Variants in UNC13C observed in about 807,000 individuals in gnomAD.
UNC13C encodes the protein unc-13 homolog C.
Under a neutral mutation model 245.4 loss-of-function variants are expected in UNC13C, and 174 were observed. That is an observed-to-expected ratio of 0.71 (90% CI 0.63 to 0.80). The LOEUF (loss-of-function observed/expected upper bound fraction) is 0.80. Ranked by LOEUF, UNC13C falls within the 30% of genes least tolerant of loss-of-function variation. The pLI is 0.00. For missense variants in UNC13C, 2,829 were observed against 2,602.9 expected, an observed-to-expected ratio of 1.09 and a Z score of -1.89; for synonymous variants, 992 against 895.1, an observed-to-expected ratio of 1.11 and a Z score of -1.93.
chr15:53,987,855 A>G (rs1894214206), intron 1 of UNC13C, among the ~76,000 whole-genome samples: 1 of 152,060 alleles, frequency 6.6e-6, no homozygotes, highest in Non-Finnish European at 1.5e-5. Context: ...TCCTGTCTCA[A>G]GTTGCTGCTT....
At position 54,264,395 on chromosome 15, in the gene UNC13C, G is replaced by C; in HGVS notation, c.3676G>C (p.Val1226Leu). The change falls in exon 9 of 33, where the codon GTG becomes CTG. Residue 1226 changes from valine to leucine, a missense_variant and splice_region_variant. Transcript: ENST00000260323. ...SKWSAKITIT[V>L]VSAQGLQAKD... ...GTGGTCTGCAAAAATAACCATTACA[G>C]GTAAAAATAAGTCTTCTTAAAAATT... 1 of 1,573,464 alleles carries C rather than the reference G, an allele frequency of 6.4e-7. No homozygotes were observed. The highest frequency in any genetic ancestry group is 8.6e-7 in the Non-Finnish European group (1 of 1,157,844).
intron 19 of UNC13C, among the ~76,000 whole-genome samples, chr15:54,487,256 C>T (rs191119715): frequency 7.2e-5 from 11 of 152,290 alleles, no homozygotes; most frequent in Admixed American, 2.0e-4. Context: ...GAACTACCAA[C>T]TGCTACTCCT....
intron 19 of UNC13C, among the ~76,000 whole-genome samples, chr15:54,456,509 A>G (rs1329052928): frequency 1.3e-5 from 2 of 151,952 alleles, no homozygotes; most frequent in African/African-American, 4.8e-5. Flanking sequence ...ATTTGTTTGT[A>G]TCATCTGTTT....
rs915096584 is a variant in UNC13C, at chr15:53,978,584, T to A, written c.-600T>A. Among the ~76,000 whole-genome samples the A allele has an allele frequency of 1.3e-5, 2 of 152,018 alleles. No individual in the cohort carries two copies. The highest frequency in any genetic ancestry group is 1.3e-4 in the Admixed American group (2 of 15,276). On this transcript the variant is annotated 5_prime_UTR_variant, in exon 1 of 33. The change abolishes an upstream ATG in the 5' untranslated region. Transcript: ENST00000260323. ...CATTTTGCTTTCTGGGAGAAAGAGATGAGAAATGAGCCGCGGAAGGTATTT... is the reference window on the plus strand; with the variant it reads ...CATTTTGCTTTCTGGGAGAAAGAGAAGAGAAATGAGCCGCGGAAGGTATTT...
intron 19 of UNC13C, among the ~76,000 whole-genome samples, chr15:54,462,969 G>A (rs994278154): frequency 6.6e-6 from 1 of 152,092 alleles, no homozygotes; most frequent in Non-Finnish European, 1.5e-5. Context: ...AATTGTAAAT[G>A]CACCAATCAG....
intron 2 of UNC13C, among the ~76,000 whole-genome samples, chr15:54,041,382 G>A (rs1274858833): frequency 6.6e-6 from 1 of 151,942 alleles, no homozygotes; most frequent in Non-Finnish European, 1.5e-5. Flanking sequence ...ATATAAATCT[G>A]TTTCATTTTA....
chr15:54,458,570 C>G (rs1167342683), intron 19 of UNC13C, among the ~76,000 whole-genome samples: 1 of 151,588 alleles, frequency 6.6e-6, no homozygotes, highest in Non-Finnish European at 1.5e-5. Flanking sequence ...TTTGGGATCT[C>G]CAGTGTTAGA....
chr15:54,296,919 C>G (rs62012000), intron 11 of UNC13C, among the ~76,000 whole-genome samples: 2 of 152,208 alleles, frequency 1.3e-5, no homozygotes, highest in Non-Finnish European at 2.9e-5. Flanking sequence ...CAGTTTATAC[C>G]GAACACGTAC....
At chr15:53,841,089 CT>C in the UNC13C span, among the ~76,000 whole-genome samples, 1 of 152,068 alleles carries the variant, frequency 6.6e-6, no homozygotes, top group African/African-American at 2.4e-5. Flanking sequence ...TTTCATTTGC[CT>C]TTTTGACCAC....
chr15:54,333,051 T>C (rs1208538623), intron 15 of UNC13C, among the ~76,000 whole-genome samples: 2 of 152,026 alleles, frequency 1.3e-5, no homozygotes, highest in African/African-American at 4.8e-5. Context: ...CACCTCATCA[T>C]AGGCACACTA....
intron 2 of UNC13C, among the ~76,000 whole-genome samples, chr15:54,102,114 A>G (rs1900195696): frequency 6.6e-6 from 1 of 150,930 alleles, no homozygotes; most frequent in South Asian, 2.1e-4. Context: ...TGACTCACTT[A>G]TAATATGAAA....
chr15:54,297,765 C>T (rs1480476924), intron 11 of UNC13C, 46 bp from the exon 12 acceptor site: 1 of 1,383,746 alleles, frequency 7.2e-7, no homozygotes, highest in Admixed American at 2.1e-5. Flanking sequence ...ATGAGAAAAA[C>T]ATTATTGTCA....
chr15:54,207,222 G>A (rs2034743860), intron 4 of UNC13C, among the ~76,000 whole-genome samples: 1 of 152,080 alleles, frequency 6.6e-6, no homozygotes, highest in Non-Finnish European at 1.5e-5. Flanking sequence ...TGATGTGGCA[G>A]TGTTGGGAGG....
chr15:54,375,200 A>G (rs1341757293), intron 17 of UNC13C, among the ~76,000 whole-genome samples: 1 of 152,212 alleles, frequency 6.6e-6, no homozygotes, highest in African/African-American at 2.4e-5. Context: ...ATAGTTACAG[A>G]GTTTACATAT....
intron 15 of UNC13C, 104 bp from the exon 16 acceptor site, chr15:54,333,663 C>G: frequency 3.0e-6 from 2 of 674,436 alleles, no homozygotes; most frequent in Non-Finnish European, 5.2e-6. Flanking sequence ...AAATTGTATA[C>G]AGTTTACTTT....
intron 17 of UNC13C, among the ~76,000 whole-genome samples, chr15:54,344,838 C>T (rs1176492320): frequency 2.0e-5 from 3 of 152,210 alleles, no homozygotes; most frequent in Non-Finnish European, 4.4e-5. Context: ...ATCCATGCTT[C>T]TACCCTGGCT....
intron 26 of UNC13C, among the ~76,000 whole-genome samples, chr15:54,546,320 C>A: frequency 6.6e-6 from 1 of 152,138 alleles, no homozygotes; most frequent in Middle Eastern, 3.4e-3. Flanking sequence ...GGCCTGTCGC[C>A]GGGTGGAGGG....
chr15:54,239,747 C>T (rs543299203), intron 7 of UNC13C, among the ~76,000 whole-genome samples: 8 of 152,148 alleles, frequency 5.3e-5, no homozygotes, highest in Middle Eastern at 3.2e-3. Context: ...CCACCATGGC[C>T]CCCACCTCCT....
chr15:53,964,247 G>A, the UNC13C span, among the ~76,000 whole-genome samples: 1 of 152,132 alleles, frequency 6.6e-6, no homozygotes, highest in Non-Finnish European at 1.5e-5. Flanking sequence ...CAAACAGCTT[G>A]ACTAAGTGGG....
Sources: allele counts gnomAD v4.1 joint callset (sites outside exome capture counted in the v4.1 genomes callset), GRCh38; gene constraint gnomAD v4.1.1; transcripts MANE v1.5; gene names NCBI Gene and HGNC (gene_info 2026-07-23, HGNC 2026-07-21).